Variants in RAPGEF2 observed in about 807,000 individuals in gnomAD.
RAPGEF2 encodes Rap guanine nucleotide exchange factor 2.
RAPGEF2 carries 54 observed loss-of-function variants against 186.7 expected under a neutral mutation model. That is an observed-to-expected ratio of 0.29 (90% CI 0.23 to 0.36). The LOEUF is 0.36. RAPGEF2 is among the 10% of genes least tolerant of loss of function. The probability of loss-of-function intolerance (pLI) is 1.00; values close to 1 mark genes in which losing one functional copy is unlikely to be tolerated. For synonymous variants in RAPGEF2, 712 were observed against 705.9 expected, an observed-to-expected ratio of 1.01 and a Z score of -0.14; for missense variants, 1,532 against 2,045.0, an observed-to-expected ratio of 0.75 and a Z score of 4.84.
intron 1 of RAPGEF2, among the ~76,000 whole-genome samples, chr4:159,110,824 A>G (rs572571604): frequency 6.6e-6 from 1 of 152,270 alleles, no homozygotes; most frequent in East Asian, 1.9e-4. Context: ...GTTTAGATAA[A>G]TTAATTGATG....
chr4:159,202,077 C>G (rs1402137876), intron 3 of RAPGEF2, among the ~76,000 whole-genome samples: 1 of 152,154 alleles, frequency 6.6e-6, no homozygotes, highest in East Asian at 1.9e-4. Flanking sequence ...TTGTGCCGAA[C>G]CTGTCTCAGA....
At chr4:159,172,250 G>A (rs1012762613) in intron 1 of RAPGEF2, among the ~76,000 whole-genome samples, 1 of 151,958 alleles carries the variant, frequency 6.6e-6, no homozygotes, top group African/African-American at 2.4e-5. Context: ...TTCCTGTATG[G>A]GTCCTGTAGT....
chr4:159,104,571 TATGTGTGTGA>T lies in RAPGEF2; in HGVS notation c.69+348_69+357del, dbSNP rs1271069558. Among the ~76,000 whole-genome samples the T allele has an allele frequency of 2.0e-5, 3 of 146,978 alleles. No homozygotes were observed. In the East Asian group the frequency reaches 5.9e-4, roughly 29 times the overall value. ...GAGAGAGAGTGTGTGTGTGTGTGTG[TATGTGTGTGA>T]ATGTGTGAATTCTCTAGCTTTCCCT... On this transcript the variant is annotated intron_variant, in intron 1 of 29. Coordinates refer to ENST00000691494, the MANE Select transcript of RAPGEF2 (RefSeq NM_001394067.2).
intron 7 of RAPGEF2, among the ~76,000 whole-genome samples, chr4:159,245,589 C>G (rs887448788): frequency 7.2e-5 from 11 of 151,944 alleles, no homozygotes; most frequent in African/African-American, 2.4e-4. Flanking sequence ...TAGTTTCAAG[C>G]CTTCTCTGTA....
Position 159,341,548 on chromosome 4 carries a change from T to G in RAPGEF2, c.2535-16T>G. Reference sequence around the variant, plus strand: ...CTGCTTAGGCTTTGACTCTGATATGTTTCTGTTTTTCATAGGTATTATCTG... The same window carrying G: ...CTGCTTAGGCTTTGACTCTGATATGGTTCTGTTTTTCATAGGTATTATCTG... On this transcript the variant is annotated splice_polypyrimidine_tract_variant and intron_variant, in intron 19 of 29. Coordinates refer to ENST00000691494, the MANE Select transcript of RAPGEF2 (RefSeq NM_001394067.2). The G allele has an allele frequency of 6.4e-7, 1 of 1,561,254 alleles. No homozygotes were observed. The highest frequency in any genetic ancestry group is 8.6e-7 in the Non-Finnish European group (1 of 1,158,312).
At chr4:159,142,143 GTATT>G (rs1018281890) in intron 1 of RAPGEF2, among the ~76,000 whole-genome samples, 5 of 152,044 alleles carry the variant, frequency 3.3e-5, no homozygotes, top group African/African-American at 4.8e-5. Context: ...TTTAATTTGG[GTATT>G]TATTTATTTT....
chr4:159,133,445 T>G (rs996656154), intron 1 of RAPGEF2, among the ~76,000 whole-genome samples: 3 of 151,896 alleles, frequency 2.0e-5, no homozygotes, highest in South Asian at 2.1e-4. Context: ...AGAGTTTTGC[T>G]CTTGTTCCCA....
At chr4:159,267,340 A>G (rs1457830964) in intron 7 of RAPGEF2, 1 of 1,287,896 alleles carries the variant, frequency 7.8e-7, no homozygotes, top group Admixed American at 2.3e-5. Context: ...ATATTGGTGT[A>G]TTGCATTCAG....
chr4:159,178,300 G>C (rs1358424947), intron 1 of RAPGEF2, among the ~76,000 whole-genome samples: 2 of 152,142 alleles, frequency 1.3e-5, no homozygotes, highest in African/African-American at 4.8e-5. Flanking sequence ...GGTATGGGCA[G>C]GCAGTCAGGA....
At chr4:159,267,245 C>T (rs749728113) in intron 7 of RAPGEF2, 2 of 1,289,298 alleles carry the variant, frequency 1.6e-6, no homozygotes, top group Non-Finnish European at 2.0e-6. Flanking sequence ...AGGAAGCTTT[C>T]TATCCAGGAA....
At chr4:159,177,698 A>ACGG (rs1746583915) in intron 1 of RAPGEF2, among the ~76,000 whole-genome samples, 1 of 152,326 alleles carries the variant, frequency 6.6e-6, no homozygotes, top group East Asian at 1.9e-4. Flanking sequence ...TACCGTATCA[A>ACGG]TAAACATAAT....
intron 5 of RAPGEF2, chr4:159,240,941 C>T (rs138891650): frequency 2.6e-6 from 1 of 379,450 alleles, no homozygotes; most frequent in Non-Finnish European, 4.7e-6. Flanking sequence ...AATATCCTTC[C>T]CTTTGAAACT....
intron 1 of RAPGEF2, 24 bp downstream of exon 1, chr4:159,104,255 C>A (rs772877253): frequency 8.6e-7 from 1 of 1,168,742 alleles, no homozygotes; most frequent in Non-Finnish European, 1.1e-6. Context: ...GGCCGCCTGC[C>A]CTTGGCCGGA....
chr4:159,183,692 G>A (rs75776917), intron 1 of RAPGEF2, among the ~76,000 whole-genome samples: 2,089 of 152,096 alleles, frequency 0.014, 49 homozygotes, highest in African/African-American at 0.048. Flanking sequence ...TATAAAGGAC[G>A]GTTACAATTT....
chr4:159,121,781 A>G (rs1392647241), intron 1 of RAPGEF2, among the ~76,000 whole-genome samples: 1 of 151,992 alleles, frequency 6.6e-6, no homozygotes, highest in Non-Finnish European at 1.5e-5. Context: ...CTGTAATCGC[A>G]GCACTTTGGG....
In RAPGEF2 at chr4:159,353,653, A is replaced by G; in HGVS notation, c.4258A>G (p.Asn1420Asp). Residue 1420 changes from asparagine (N) to aspartate (D), a missense_variant, in exon 28 of 30, where the codon AAT becomes GAT. Around this residue, in one of 4 missense-constraint regions of RAPGEF2, gnomAD observed 594 missense variants for 608.5 expected, o/e 0.98. Transcript: ENST00000691494. This position sits in a 1 kb window ranked among gnomAD's most constrained non-coding sequence, Gnocchi z 4.3. ...GTCATGCTCAAGTGGCTCCCATGAT[A>G]ATATACAGACGATCCAGCACCAGAG... is the stretch of plus-strand genomic sequence containing the variant. ...WTSCSSGSHDNIQTIQHQRSW... is the reference protein window; with the variant it reads ...WTSCSSGSHDDIQTIQHQRSW... 6.3e-7 allele frequency: 1 copy of G among 1,591,264 alleles called. No individual in the cohort carries two copies. Among genetic ancestry groups the G allele is most frequent in the Non-Finnish European group, 8.5e-7 (1 of 1,170,404 alleles).
chr4:159,240,458 C>T (rs1047643621), intron 5 of RAPGEF2, among the ~76,000 whole-genome samples: 3 of 151,084 alleles, frequency 2.0e-5, no homozygotes, highest in Admixed American at 1.3e-4. Context: ...CTCAGCCTCC[C>T]GGGTAGCTGG....
intron 8 of RAPGEF2, among the ~76,000 whole-genome samples, chr4:159,309,827 A>G (rs1763750079): frequency 1.3e-5 from 2 of 152,206 alleles, no homozygotes; most frequent in South Asian, 4.1e-4. Context: ...ACTCATGTGT[A>G]AGGATGTAAT....
At chr4:159,292,697 T>G (rs1761395579) in intron 7 of RAPGEF2, among the ~76,000 whole-genome samples, 1 of 152,156 alleles carries the variant, frequency 6.6e-6, no homozygotes, top group African/African-American at 2.4e-5. Context: ...ATTTTATGAG[T>G]CATCAAAATC....
Sources: gnomAD v4.1 joint callset for allele counts (sites outside exome capture counted in the v4.1 genomes callset) on GRCh38, gnomAD v4.1.1 for gene constraint, gnomAD v4.1.1 regional missense constraint, Gnocchi (gnomAD v3.1) non-coding constraint, MANE v1.5 for transcripts, NCBI Gene and HGNC (gene_info 2026-07-23, HGNC 2026-07-21) for gene names.